Variants in LUZP2 observed in about 807,000 individuals in gnomAD.
LUZP2 encodes leucine zipper protein 2.
LUZP2 carries 52 observed loss-of-function variants against 51.6 expected under a neutral mutation model. That is an observed-to-expected ratio of 1.01 (90% CI 0.81 to 1.27). The LOEUF (loss-of-function observed/expected upper bound fraction) is 1.27. LUZP2 is among the 50% of genes most tolerant of loss of function. The probability of loss-of-function intolerance (pLI) is 0.00; values close to 1 mark genes in which losing one functional copy is unlikely to be tolerated. For missense variants in LUZP2, 436 were observed against 395.4 expected (o/e 1.10, Z -0.87); for synonymous variants, 154 against 137.3 (o/e 1.12, Z -0.85).
intron 1 of LUZP2, among the ~76,000 whole-genome samples, chr11:24,694,148 C>A (rs534587717): frequency 6.6e-6 from 1 of 152,116 alleles, no homozygotes; most frequent in East Asian, 1.9e-4. Context: ...ATTCTAAAAG[C>A]TCTAAGCTTC....
At chr11:24,581,434 G>T (rs1271326960) in intron 1 of LUZP2, among the ~76,000 whole-genome samples, 1 of 152,076 alleles carries the variant, frequency 6.6e-6, no homozygotes, top group Non-Finnish European at 1.5e-5. Flanking sequence ...ACCTTGGGAG[G>T]CTGAGGCAGG....
At chr11:24,715,263 A>ATGTGTGTGTGTGTGTGTGTG (rs58368050) in intron 1 of LUZP2, among the ~76,000 whole-genome samples, 73 of 133,974 alleles carry the variant, frequency 5.4e-4, no homozygotes, top group East Asian at 2.0e-3. Context: ...AGGAGCAACT[A>ATGTGTGTGTGTGTGTGTGTG]TGTGTGTGTG....
At chr11:25,040,707 A>G (rs1312759905) in intron 9 of LUZP2, among the ~76,000 whole-genome samples, 1 of 152,120 alleles carries the variant, frequency 6.6e-6, no homozygotes, top group Non-Finnish European at 1.5e-5. Flanking sequence ...GTCAGCCTTA[A>G]TGCTCAATGT....
At chr11:24,732,323 A>G (rs1286079089) in intron 3 of LUZP2, 135 bp downstream of exon 3, 2 of 637,912 alleles carry the variant, frequency 3.1e-6, no homozygotes, top group East Asian at 2.9e-5. Context: ...CATGCAATTC[A>G]CTTGGGAATC....
intron 1 of LUZP2, among the ~76,000 whole-genome samples, chr11:24,715,445 T>G (rs150837420): frequency 1.3e-5 from 2 of 152,166 alleles, no homozygotes; most frequent in East Asian, 3.8e-4. Context: ...TTCTCCAGAT[T>G]CTACCTTACT....
chr11:24,608,427 G>C (rs190816601), intron 1 of LUZP2, among the ~76,000 whole-genome samples: 28 of 152,256 alleles, frequency 1.8e-4, no homozygotes, highest in African/African-American at 6.7e-4. Flanking sequence ...AATTGTAATG[G>C]TTTAGAAAAT....
chr11:24,782,112 G>T (rs925706799), intron 5 of LUZP2, among the ~76,000 whole-genome samples: 1 of 152,042 alleles, frequency 6.6e-6, no homozygotes, highest in South Asian at 2.1e-4. Flanking sequence ...AGAATCAGGT[G>T]TGACTTGAGG....
At chr11:25,067,504 T>G (rs143338044) in intron 10 of LUZP2, among the ~76,000 whole-genome samples, 1,883 of 152,064 alleles carry the variant, frequency 0.012, 45 homozygotes, top group African/African-American at 0.043. Flanking sequence ...AGGGTTTTTA[T>G]GGTTTTAGGT....
At chr11:24,766,697 A>T (rs1419230865) in intron 5 of LUZP2, among the ~76,000 whole-genome samples, 2 of 138,072 alleles carry the variant, frequency 1.4e-5, no homozygotes, top group African/African-American at 5.5e-5. Context: ...TCCTGAATAT[A>T]AAGCTTCAAA....
Position 24,515,741 on chromosome 11 carries a change from T to A in LUZP2, c.62+18436T>A, listed in dbSNP as rs1850444806. 2.0e-5 allele frequency among the ~76,000 whole-genome samples: 3 copies of A among 152,266 alleles called. No individual in the cohort carries two copies. In the South Asian group the frequency reaches 6.2e-4, roughly 32 times the overall value. On this transcript the variant is annotated intron_variant, in intron 1 of 11. Transcript: ENST00000336930. The stretch of plus-strand genomic sequence containing the variant: ...ATAATAATAATGACAGAACTAATCA[T>A]AGGCTCTCCAGTAGTGAACAAGCAC...
chr11:24,966,510 T>C (rs1855585587), intron 7 of LUZP2, among the ~76,000 whole-genome samples: 1 of 150,484 alleles, frequency 6.6e-6, no homozygotes, highest in Admixed American at 6.6e-5. Flanking sequence ...AGATTTATGT[T>C]TGAGCTTTTA....
At chr11:24,520,144 G>T (rs1009792178) in intron 1 of LUZP2, among the ~76,000 whole-genome samples, 17 of 152,162 alleles carry the variant, frequency 1.1e-4, no homozygotes, top group Non-Finnish European at 2.4e-4. Context: ...TTTGAAGATT[G>T]ACCTGTGTAC....
At chr11:24,881,349 G>T (rs553568934) in intron 5 of LUZP2, among the ~76,000 whole-genome samples, 2 of 151,660 alleles carry the variant, frequency 1.3e-5, no homozygotes, top group African/African-American at 2.4e-5. Flanking sequence ...CAGAACATTC[G>T]TCTTAGCAAG....
intron 7 of LUZP2, among the ~76,000 whole-genome samples, chr11:24,919,986 G>T (rs920841410): frequency 6.6e-5 from 10 of 151,848 alleles, no homozygotes; most frequent in African/African-American, 2.2e-4. Context: ...ACCATGACAA[G>T]TTGTGTTCCT....
intron 5 of LUZP2, chr11:24,891,786 A>G (rs1032566735): frequency 4.7e-4 from 452 of 964,598 alleles, no homozygotes; most frequent in Admixed American, 1.9e-3. Flanking sequence ...GATCATACAA[A>G]GAGAGAACAG....
At chr11:24,808,079 T>A (rs1849906033) in intron 5 of LUZP2, among the ~76,000 whole-genome samples, 1 of 152,142 alleles carries the variant, frequency 6.6e-6, no homozygotes, top group South Asian at 2.1e-4. Context: ...TAAATAATAG[T>A]AATAGAAATA....
chr11:24,803,432 T>A (rs185565100), intron 5 of LUZP2, among the ~76,000 whole-genome samples: 148 of 152,232 alleles, frequency 9.7e-4, no homozygotes, highest in African/African-American at 3.3e-3. Context: ...TTGCACACTC[T>A]AAAGTGGTAC....
At chr11:24,634,853 T>C (rs545047830) in intron 1 of LUZP2, among the ~76,000 whole-genome samples, 1 of 152,270 alleles carries the variant, frequency 6.6e-6, no homozygotes, top group South Asian at 2.1e-4. Flanking sequence ...ATTTATTTTC[T>C]GTGACTTGGA....
At chr11:24,827,912 C>A (rs1266218459) in intron 5 of LUZP2, among the ~76,000 whole-genome samples, 1 of 151,956 alleles carries the variant, frequency 6.6e-6, no homozygotes, top group Non-Finnish European at 1.5e-5. Context: ...TCACTCTAGA[C>A]AACAGAAAAT....
Sources: allele counts gnomAD v4.1 joint callset (sites outside exome capture counted in the v4.1 genomes callset), GRCh38; gene constraint gnomAD v4.1.1; transcripts MANE v1.5; gene names NCBI Gene and HGNC (gene_info 2026-07-23, HGNC 2026-07-21).